Variants in ERC1 observed in about 807,000 individuals in gnomAD.
The protein encoded by ERC1 is RAB6 interacting protein 2.
ERC1 carries 56 observed loss-of-function variants against 132.0 expected under a neutral mutation model. That is an observed-to-expected ratio of 0.42 (90% CI 0.34 to 0.53). The LOEUF is 0.53. Ranked by LOEUF, ERC1 falls within the 20% of genes least tolerant of loss-of-function variation. The pLI is 0.03. For synonymous variants in ERC1, 478 were observed against 476.1 expected, an observed-to-expected ratio of 1.00 and a Z score of -0.05; for missense variants, 1,202 against 1,349.9, an observed-to-expected ratio of 0.89 and a Z score of 1.72.
chr12:990,496 G>C (rs949397466), upstream of ERC1: 1 of 152,212 alleles, frequency 6.6e-6, no homozygotes. Flanking sequence ...AGCAGCGTTT[G>C]GCACAGCGCA....
Position 1,043,014 on chromosome 12 carries a change from C to CTTCTTTTTCT in ERC1, c.669+14455_669+14464dup, listed in dbSNP as rs1283923877. 8.0e-5 allele frequency among the ~76,000 whole-genome samples: 12 copies of CTTCTTTTTCT among 149,930 alleles called. No homozygotes were observed. The East Asian group carries it at 1.4e-3, about 17-fold the overall frequency. On this transcript the variant is annotated intron_variant, in intron 2 of 18. Coordinates refer to ENST00000360905, the MANE Select transcript of ERC1 (RefSeq NM_178040.4). The stretch of plus-strand genomic sequence containing the variant: ...ACATGTTATCTATGGTACAGAGTAT[C>CTTCTTTTTCT]TTCTTTTTCTTTCTTTTTCTTTTCT...
intron 16 of ERC1, among the ~76,000 whole-genome samples, chr12:1,405,099 C>T (rs1386138331): frequency 6.6e-6 from 1 of 151,218 alleles, no homozygotes. Flanking sequence ...GAGATCTCGC[C>T]ACTGCATTCC....
intron 8 of ERC1, among the ~76,000 whole-genome samples, chr12:1,169,565 G>A (rs1018177222): frequency 1.3e-5 from 2 of 152,100 alleles, no homozygotes; most frequent in Non-Finnish European, 2.9e-5. Context: ...GCATAATAAT[G>A]TCTGTCTCAG....
At chr12:1,095,222 G>C (rs1357017606) in intron 3 of ERC1, among the ~76,000 whole-genome samples, 1 of 151,988 alleles carries the variant, frequency 6.6e-6, no homozygotes, top group Non-Finnish European at 1.5e-5. Flanking sequence ...TTGAGGTCAG[G>C]AGTTCAAGAT....
At chr12:1,350,741 A>G (rs943160622) in intron 15 of ERC1, among the ~76,000 whole-genome samples, 10 of 152,334 alleles carry the variant, frequency 6.6e-5, no homozygotes, top group Middle Eastern at 6.8e-3. Context: ...CTGCGCCTGG[A>G]TAATTTATAA....
intron 18 of ERC1, among the ~76,000 whole-genome samples, chr12:1,478,206 G>A (rs1411736070): frequency 6.6e-6 from 1 of 152,202 alleles, no homozygotes; most frequent in African/African-American, 2.4e-5. Flanking sequence ...GTCCTTGTCA[G>A]CACTTGATAC....
In ERC1 at chr12:1,229,790, C is replaced by T. The variant is rs149277212; in HGVS notation, c.2352-6979C>T. Among the ~76,000 whole-genome samples the T allele has an allele frequency of 1.6e-3, 249 of 151,956 alleles. 1 individual carries two copies. Among genetic ancestry groups the T allele is most frequent in the Middle Eastern group, 6.8e-3 (2 of 292 alleles). On this transcript the variant is annotated intron_variant, in intron 12 of 18. Coordinates refer to ENST00000360905, the MANE Select transcript of ERC1 (RefSeq NM_178040.4). ...TTTTTAGAATTTTCTTTCTGGTCTC[C>T]CATTTATTTCTTTATTATTTCCTTA... is the stretch of plus-strand genomic sequence containing the variant.
intron 1 of ERC1, among the ~76,000 whole-genome samples, chr12:995,238 C>T (rs1286579525): frequency 1.3e-5 from 2 of 152,044 alleles, no homozygotes; most frequent in African/African-American, 4.8e-5. Flanking sequence ...GCCTGGGCGA[C>T]AGAGTGAGGG....
In ERC1 at chr12:1,263,124, C is replaced by G; in HGVS notation, c.2578C>G (p.Leu860Val). Residue 860 changes from leucine to valine, a missense_variant, in exon 14 of 19, where the codon CTA becomes GTA. Physicochemically the swap from Leu to Val is conservative, Grantham distance 32. Coordinates refer to ENST00000360905, the MANE Select transcript of ERC1 (RefSeq NM_178040.4). ...GATAACTGCAGAGCGGGAAATGGTG[C>G]TAGCACAAGAGGAATCAGCCAGGAC... Reference protein sequence around the residue: ...VQITAEREMVLAQEESARTNA... With the variant: ...VQITAEREMVVAQEESARTNA... 2 of 1,614,022 alleles carry G rather than the reference C, an allele frequency of 1.2e-6. No individual in the cohort carries two copies. Among genetic ancestry groups the G allele is most frequent in the South Asian group, 2.2e-5 (2 of 91,082 alleles).
rs990498862 is a variant in ERC1, at chr12:1,436,059, G to T, written c.3025-8503G>T. On this transcript the variant is annotated intron_variant, in intron 17 of 18. Coordinates refer to ENST00000360905, the MANE Select transcript of ERC1 (RefSeq NM_178040.4). ...CAGTAGACTTATATCTGCATAGTCT[G>T]TTGTGTTTGGTTTGACGCTAGAGTT... Among the ~76,000 whole-genome samples the T allele has an allele frequency of 5.3e-5, 8 of 152,260 alleles. No homozygotes were observed. In the East Asian group the frequency reaches 1.5e-3, roughly 29 times the overall value.
intron 14 of ERC1, among the ~76,000 whole-genome samples, chr12:1,271,193 T>C (rs2077826136): frequency 6.6e-6 from 1 of 152,166 alleles, no homozygotes; most frequent in Non-Finnish European, 1.5e-5. Flanking sequence ...TATAAACTCT[T>C]TTAGGAGGTA....
chr12:1,472,485 C>CA (rs1160391744), intron 18 of ERC1, among the ~76,000 whole-genome samples: 4 of 151,706 alleles, frequency 2.6e-5, no homozygotes, highest in South Asian at 2.1e-4. Flanking sequence ...CTCCTCTCTA[C>CA]AAAAAAAATT....
Position 1,371,915 on chromosome 12 carries a change from C to G in ERC1, c.2863C>G (p.Gln955Glu), listed in dbSNP as rs778994294. Residue 955 changes from glutamine to glutamate, a missense_variant, in exon 16 of 19, where the codon CAA becomes GAA. By Grantham distance (29) the Gln-to-Glu change is conservative (BLOSUM62 2). Transcript: ENST00000360905. ...GCTTTCGTCCTCTAAGAAGAAGACC[C>G]AAGAGGAAGTGGCTGCCCTGAAGCG... ...LELSSSKKKT[Q>E]EEVAALKREK... 2 of 1,614,050 alleles carry G rather than the reference C, an allele frequency of 1.2e-6. No individual in the cohort carries two copies. Among genetic ancestry groups the G allele is most frequent in the Admixed American group, 3.3e-5 (2 of 60,020 alleles).
chr12:1,111,651 C>CT (rs1423752878), intron 5 of ERC1, among the ~76,000 whole-genome samples: 3 of 148,862 alleles, frequency 2.0e-5, no homozygotes, highest in African/African-American at 7.5e-5. Context: ...CGGAGGTATG[C>CT]TTTGTCGACC....
chr12:1,278,671 G>T (rs2078450862), intron 14 of ERC1, among the ~76,000 whole-genome samples: 1 of 152,062 alleles, frequency 6.6e-6, no homozygotes, highest in South Asian at 2.1e-4. Context: ...TCCACTTTTA[G>T]TAACTCTGTA....
intron 1 of ERC1, among the ~76,000 whole-genome samples, chr12:1,025,301 C>G (rs573019831): frequency 6.6e-6 from 1 of 152,154 alleles, no homozygotes; most frequent in South Asian, 2.1e-4. Context: ...CACAAGTTTC[C>G]TTCCCTCTAA....
At chr12:1,138,085 A>AATT (rs1949460569) in intron 7 of ERC1, among the ~76,000 whole-genome samples, 2 of 94,528 alleles carry the variant, frequency 2.1e-5, no homozygotes, top group Non-Finnish European at 2.2e-5. Context: ...TATTATATAT[A>AATT]ATATATAATC....
At chr12:1,358,882 G>A (rs575443007) in intron 15 of ERC1, among the ~76,000 whole-genome samples, 1 of 152,316 alleles carries the variant, frequency 6.6e-6, no homozygotes, top group African/African-American at 2.4e-5. Context: ...ATTTTCATAT[G>A]CTAAATCATT....
At chr12:1,017,262 G>A (rs1005471301) in intron 1 of ERC1, among the ~76,000 whole-genome samples, 3 of 152,122 alleles carry the variant, frequency 2.0e-5, no homozygotes, top group Non-Finnish European at 4.4e-5. Flanking sequence ...CTCCCAAAGT[G>A]CTGGGATTAC....
Sources: allele counts gnomAD v4.1 joint callset (sites outside exome capture counted in the v4.1 genomes callset), GRCh38; gene constraint gnomAD v4.1.1; transcripts MANE v1.5; gene names NCBI Gene and HGNC (gene_info 2026-07-23, HGNC 2026-07-21).